Variants in PRR5L observed in about 807,000 individuals in gnomAD.
PRR5L encodes proline rich 5 like, also known as proline-rich protein 5-like.
PRR5L carries 21 observed loss-of-function variants against 36.4 expected under a neutral mutation model. That is an observed-to-expected ratio of 0.58 (90% CI 0.41 to 0.83). The LOEUF (loss-of-function observed/expected upper bound fraction) is 0.83. Among genes scored for constraint, PRR5L ranks in the 40% least tolerant of loss-of-function variants. The probability of loss-of-function intolerance (pLI) is 0.00; values close to 1 mark genes in which losing one functional copy is unlikely to be tolerated. For synonymous variants in PRR5L, 188 were observed against 197.0 expected, an observed-to-expected ratio of 0.95 and a Z score of 0.38; for missense variants, 381 against 473.3, an observed-to-expected ratio of 0.80 and a Z score of 1.81.
At chr11:36,300,752 T>C (rs1056091593) in intron 1 of PRR5L, among the ~76,000 whole-genome samples, 1 of 152,200 alleles carries the variant, frequency 6.6e-6, no homozygotes, top group Non-Finnish European at 1.5e-5. Flanking sequence ...AAGGGAAAGC[T>C]ACATATGGGC....
intron 1 of PRR5L, among the ~76,000 whole-genome samples, chr11:36,385,771 T>C (rs1000511211): frequency 6.6e-6 from 1 of 152,214 alleles, no homozygotes. Flanking sequence ...ATAGAAACAA[T>C]TGTGCTATGC....
chr11:36,393,269 T>C (rs1259382938), intron 1 of PRR5L, among the ~76,000 whole-genome samples: 1 of 152,210 alleles, frequency 6.6e-6, no homozygotes, highest in Non-Finnish European at 1.5e-5. Flanking sequence ...TCCAATGTCC[T>C]GGAGAGTTTC....
At chr11:36,445,707 C>A (rs1270342288) in intron 6 of PRR5L, among the ~76,000 whole-genome samples, 1 of 152,172 alleles carries the variant, frequency 6.6e-6, no homozygotes, top group Non-Finnish European at 1.5e-5. Flanking sequence ...AGGTTGACAT[C>A]TAAACTATGT....
chr11:36,397,566 C>T (rs1275323490), intron 1 of PRR5L, among the ~76,000 whole-genome samples: 3 of 147,842 alleles, frequency 2.0e-5, no homozygotes, highest in African/African-American at 7.6e-5. Context: ...AAGCGATTCT[C>T]CTGCCTCAGC....
At chr11:36,338,344 G>A (rs759122346) in intron 1 of PRR5L, among the ~76,000 whole-genome samples, 1 of 151,966 alleles carries the variant, frequency 6.6e-6, no homozygotes, top group Non-Finnish European at 1.5e-5. Flanking sequence ...CATTCACCCC[G>A]CTTGAAATGC....
intron 8 of PRR5L, among the ~76,000 whole-genome samples, chr11:36,458,878 C>G (rs1015755066): frequency 6.6e-6 from 1 of 152,240 alleles, no homozygotes; most frequent in Non-Finnish European, 1.5e-5. Context: ...CTCCCCACAG[C>G]ATTGTCCTGC....
intron 6 of PRR5L, among the ~76,000 whole-genome samples, chr11:36,438,344 G>T (rs1450683799): frequency 2.0e-5 from 3 of 152,220 alleles, no homozygotes; most frequent in Non-Finnish European, 4.4e-5. Context: ...GGCGTCGTAT[G>T]CAGAGGAACA....
chr11:36,326,396 T>G (rs1229245690), intron 1 of PRR5L, among the ~76,000 whole-genome samples: 4 of 151,042 alleles, frequency 2.6e-5, no homozygotes, highest in Non-Finnish European at 5.9e-5. Flanking sequence ...GATTCAATTC[T>G]AACTGGATCT....
chr11:36,408,610 C>G (rs1265976429), intron 3 of PRR5L, among the ~76,000 whole-genome samples: 1 of 151,922 alleles, frequency 6.6e-6, no homozygotes, highest in African/African-American at 2.4e-5. Context: ...TTTTTAACAC[C>G]CCTCTCCAGC....
chr11:36,299,212 C>G (rs1856346979), intron 1 of PRR5L, among the ~76,000 whole-genome samples: 2 of 152,128 alleles, frequency 1.3e-5, no homozygotes, highest in South Asian at 4.1e-4. Context: ...CCCAGGAAAT[C>G]CAAAGCTACC....
chr11:36,436,855 G>A (rs1238727330), intron 5 of PRR5L, among the ~76,000 whole-genome samples: 1 of 152,190 alleles, frequency 6.6e-6, no homozygotes, highest in Admixed American at 6.5e-5. Context: ...AAGTAAACTA[G>A]CATAGTGCTG....
intron 1 of PRR5L, among the ~76,000 whole-genome samples, chr11:36,388,947 C>T (rs1857510705): frequency 6.6e-6 from 1 of 151,760 alleles, no homozygotes; most frequent in African/African-American, 2.4e-5. Flanking sequence ...GATCTGCCTG[C>T]CTCGGCCTCC....
At chr11:36,368,249 G>T (rs1649333046) in intron 1 of PRR5L, among the ~76,000 whole-genome samples, 1 of 152,152 alleles carries the variant, frequency 6.6e-6, no homozygotes, top group Admixed American at 6.5e-5. Flanking sequence ...GCAAGAGGGA[G>T]ATAACCCAGG....
chr11:36,405,570 A>G (rs1857892566), intron 3 of PRR5L, among the ~76,000 whole-genome samples: 1 of 152,240 alleles, frequency 6.6e-6, no homozygotes, highest in African/African-American at 2.4e-5. Flanking sequence ...AGTAGTTGAT[A>G]AATGAGAAAA....
At chr11:36,457,275 C>A (rs1034387067) in intron 8 of PRR5L, among the ~76,000 whole-genome samples, 6 of 152,208 alleles carry the variant, frequency 3.9e-5, no homozygotes, top group Non-Finnish European at 5.9e-5. Context: ...TTTCCAGATA[C>A]CCCTTCCCCA....
chr11:36,412,829 T>C (rs12281380), intron 3 of PRR5L, among the ~76,000 whole-genome samples: 3 of 152,048 alleles, frequency 2.0e-5, no homozygotes, highest in Admixed American at 6.6e-5. Context: ...GGAGAAATCA[T>C]TGAGCTCTGT....
chr11:36,362,925 C>A (rs1857107588), intron 1 of PRR5L, among the ~76,000 whole-genome samples: 1 of 152,074 alleles, frequency 6.6e-6, no homozygotes, highest in African/African-American at 2.4e-5. Context: ...AGCAGGGCAG[C>A]CCTTTGACCT....
intron 1 of PRR5L, among the ~76,000 whole-genome samples, chr11:36,334,031 A>T (rs1378867710): frequency 6.6e-6 from 1 of 152,160 alleles, no homozygotes; most frequent in South Asian, 2.1e-4. Context: ...GATGGGTAGC[A>T]TCTGGTTTCC....
At chr11:36,388,694 C>CTTTTTTTTTTTTTTT (rs1252535250) in intron 1 of PRR5L, among the ~76,000 whole-genome samples, 2 of 112,790 alleles carry the variant, frequency 1.8e-5, no homozygotes, top group African/African-American at 3.4e-5. Context: ...TCGGCTCTTT[C>CTTTTTTTTTTTTTTT]TTTCTTTTTT....
Sources: allele counts gnomAD v4.1 joint callset (sites outside exome capture counted in the v4.1 genomes callset), GRCh38; gene constraint gnomAD v4.1.1; transcripts MANE v1.5; gene names NCBI Gene and HGNC (gene_info 2026-07-23, HGNC 2026-07-21).